ANK2: variants seen among roughly 807,000 people sequenced by gnomAD.
ANK2 encodes the protein ankyrin 2.
In ANK2, 83 loss-of-function variants were observed where a neutral mutation model predicts 360.5. That is an observed-to-expected ratio of 0.23 (90% CI 0.19 to 0.28). The LOEUF is 0.28. Among genes scored for constraint, ANK2 ranks in the 10% least tolerant of loss-of-function variants. The pLI is 1.00. For missense variants in ANK2, 4,201 were observed against 4,795.7 expected (o/e 0.88, Z 3.66); for synonymous variants, 1,740 against 1,759.5 (o/e 0.99, Z 0.28).
At chr4:112,982,966 T>C (rs1578319879) in intron 2 of ANK2, among the ~76,000 whole-genome samples, 1 of 148,500 alleles carries the variant, frequency 6.7e-6, no homozygotes, top group Non-Finnish European at 1.5e-5. Flanking sequence ...ATACTCTGTT[T>C]GAAGAATGCA....
chr4:113,240,429 G>T, intron 7 of ANK2, 56 bp from the exon 8 acceptor site: 1 of 1,329,472 alleles, frequency 7.5e-7, no homozygotes, highest in South Asian at 1.2e-5. Context: ...TAATACAATG[G>T]CTGCAACATA....
intron 1 of ANK2, among the ~76,000 whole-genome samples, chr4:113,146,696 ATC>A (rs2096849723): frequency 6.6e-6 from 1 of 151,402 alleles, no homozygotes; most frequent in South Asian, 2.1e-4. Context: ...TTGGCCAGGA[ATC>A]TCTGAAATAT....
chr4:112,985,137 A>G (rs2044414171), intron 2 of ANK2, among the ~76,000 whole-genome samples: 2 of 152,216 alleles, frequency 1.3e-5, no homozygotes, highest in South Asian at 2.1e-4. Context: ...ACATATCTGT[A>G]TTTCTAACCT....
At chr4:112,735,314 G>A in the ANK2 span, among the ~76,000 whole-genome samples, 1 of 151,852 alleles carries the variant, frequency 6.6e-6, no homozygotes, top group Non-Finnish European at 1.5e-5. Flanking sequence ...CTGGGTGGCA[G>A]AGAGATACTC....
chr4:113,254,370 T>C (rs1194683781), intron 10 of ANK2, among the ~76,000 whole-genome samples: 1 of 152,226 alleles, frequency 6.6e-6, no homozygotes, highest in Non-Finnish European at 1.5e-5. Flanking sequence ...TAAGTAAATA[T>C]GCGTAAAATC....
chr4:113,124,375 T>G (rs545480654), intron 1 of ANK2, among the ~76,000 whole-genome samples: 19 of 152,344 alleles, frequency 1.2e-4, no homozygotes, highest in Admixed American at 1.0e-3. Context: ...ATTAATTTAG[T>G]AAGAAAGAAG....
chr4:112,821,709 A>G (rs2057098600), intron 1 of ANK2, among the ~76,000 whole-genome samples: 1 of 151,740 alleles, frequency 6.6e-6, no homozygotes, highest in South Asian at 2.1e-4. Flanking sequence ...AGTTATGGCA[A>G]ATCACATACC....
At chr4:113,145,937 G>A (rs543333026) in intron 1 of ANK2, 1 of 1,289,714 alleles carries the variant, frequency 7.8e-7, no homozygotes, top group East Asian at 5.5e-5. Flanking sequence ...GAAACATGCA[G>A]GAACTGGATA....
chr4:112,765,834 C>G, the ANK2 span, among the ~76,000 whole-genome samples: 1 of 151,994 alleles, frequency 6.6e-6, no homozygotes, highest in East Asian at 1.9e-4. Context: ...TGACATTTTT[C>G]GTTTGTCACA....
intron 2 of ANK2, among the ~76,000 whole-genome samples, chr4:113,193,913 T>C (rs1362834946): frequency 6.6e-6 from 1 of 152,242 alleles, no homozygotes. Context: ...AGTTGTACTT[T>C]TCTGATATGC....
intron 40 of ANK2, 76 bp from the exon 41 acceptor site, chr4:113,364,963 A>G (rs2154052065): frequency 6.4e-7 from 1 of 1,570,516 alleles, no homozygotes; most frequent in South Asian, 1.1e-5. Context: ...TCAAAAATTT[A>G]GTAAGGCAGT....
intron 1 of ANK2, among the ~76,000 whole-genome samples, chr4:112,862,279 C>T (rs1220300714): frequency 2.0e-5 from 3 of 152,178 alleles, no homozygotes; most frequent in Non-Finnish European, 4.4e-5. Flanking sequence ...GATACAATAT[C>T]TTTCCTTAAA....
chr4:112,978,487 C>T (rs770960873), intron 2 of ANK2, among the ~76,000 whole-genome samples: 5 of 152,180 alleles, frequency 3.3e-5, no homozygotes, highest in Non-Finnish European at 5.9e-5. Context: ...CAGTTTCCCG[C>T]TTTTCTTAGT....
At chr4:113,374,892 G>T in intron 45 of ANK2, 1 of 1,259,100 alleles carries the variant, frequency 7.9e-7, no homozygotes, top group African/African-American at 1.5e-5. Context: ...AGAAACATCT[G>T]GGGGATTCTA....
At chr4:113,284,527 T>C (rs560741805) in intron 18 of ANK2, among the ~76,000 whole-genome samples, 2 of 152,352 alleles carry the variant, frequency 1.3e-5, no homozygotes, top group East Asian at 3.9e-4. Flanking sequence ...TATGTCCTCC[T>C]TTACGGTATT....
chr4:113,161,611 G>A (rs1293645024), intron 1 of ANK2, among the ~76,000 whole-genome samples: 1 of 151,960 alleles, frequency 6.6e-6, no homozygotes, highest in Non-Finnish European at 1.5e-5. Context: ...CTGGTCTTAT[G>A]GGAAAAATAA....
intron 24 of ANK2, chr4:113,317,365 T>C (rs1281095398): frequency 5.5e-6 from 2 of 365,478 alleles, no homozygotes; most frequent in Non-Finnish European, 5.3e-6. Context: ...AAGCAATCTA[T>C]CCTGGAATTA....
At chr4:112,811,270 C>T in the ANK2 span, among the ~76,000 whole-genome samples, 20,205 of 152,118 alleles carry the variant, frequency 0.13, 2,123 homozygotes, top group East Asian at 0.5. Context: ...TAGAATTCCA[C>T]CTTCTGGATT....
the ANK2 span, among the ~76,000 whole-genome samples, chr4:112,796,112 T>G: frequency 6.6e-6 from 1 of 152,088 alleles, no homozygotes; most frequent in Non-Finnish European, 1.5e-5. Flanking sequence ...GATGAATTTT[T>G]AAAAAAATTG....
Sources: allele counts gnomAD v4.1 joint callset (sites outside exome capture counted in the v4.1 genomes callset), GRCh38; gene constraint gnomAD v4.1.1; transcripts MANE v1.5; gene names NCBI Gene and HGNC (gene_info 2026-07-23, HGNC 2026-07-21).